The following MYLK variants were observed in gnomAD, a reference collection of about 807,000 sequenced individuals.
MYLK encodes the protein myosin light chain kinase, also known as myosin light chain kinase, smooth muscle.
Under a neutral mutation model 203.4 loss-of-function variants are expected in MYLK, and 106 were observed. The ratio of observed to expected loss-of-function variants is 0.52; its 90% CI spans 0.45 to 0.61. The LOEUF (loss-of-function observed/expected upper bound fraction) is 0.61, where lower values mean the gene tolerates loss of function less well. Ranked by LOEUF, MYLK falls within the 20% of genes least tolerant of loss-of-function variation. The probability of loss-of-function intolerance (pLI) is 0.00; values close to 1 mark genes in which losing one functional copy is unlikely to be tolerated. For synonymous variants in MYLK, 867 were observed against 959.5 expected (o/e 0.90, Z 1.78); for missense variants, 2,072 against 2,442.3 (o/e 0.85, Z 3.20).
In MYLK at chr3:123,642,123, T is replaced by G. The variant is rs946522992; in HGVS notation, c.4620-1619A>C. Among the ~76,000 whole-genome samples, 26 of 152,036 alleles carry G rather than the reference T, an allele frequency of 1.7e-4. No homozygotes were observed. Among genetic ancestry groups the G allele is most frequent in the Non-Finnish European group, 1.2e-4 (8 of 67,988 alleles). On this transcript the variant is annotated intron_variant, in intron 27 of 33. Coordinates refer to ENST00000360304, the MANE Select transcript of MYLK (RefSeq NM_053025.4). This position sits in a 1 kb window ranked among gnomAD's most constrained non-coding sequence, Gnocchi z 4.2. ...GGTCCACCAGTTGAACAAGGCCGGG[T>G]GGGTTCTGGGCCTGTCCTCTTGCAA...
At chr3:123,830,620 C>G (rs2066291800) in intron 3 of MYLK, among the ~76,000 whole-genome samples, 1 of 152,108 alleles carries the variant, frequency 6.6e-6, no homozygotes, top group Admixed American at 6.5e-5. Context: ...CACCACCCAC[C>G]AACCTTCTCA....
intron 1 of MYLK, 72 bp from the exon 2 acceptor site, chr3:123,876,689 C>T (rs1457213102): frequency 6.6e-6 from 1 of 152,142 alleles, no homozygotes; most frequent in Admixed American, 6.5e-5. Context: ...ACATCACAAA[C>T]ATCTGGAAAG....
chr3:123,851,483 G>A (rs1350306798), intron 2 of MYLK, among the ~76,000 whole-genome samples: 4 of 152,098 alleles, frequency 2.6e-5, no homozygotes. Context: ...TGGATTCCTA[G>A]GTATTTTATT....
intron 13 of MYLK, among the ~76,000 whole-genome samples, chr3:123,713,604 T>A (rs1010550013): frequency 2.0e-5 from 3 of 150,612 alleles, no homozygotes; most frequent in Non-Finnish European, 4.4e-5. Context: ...TGTGTGTGTG[T>A]GTGTGTGTGT....
rs762670780 is a variant in MYLK at position 123,657,364 on chromosome 3, C to T, written c.4050G>A (p.Leu1350=). 1.2e-6 allele frequency: 2 copies of T among 1,614,112 alleles called. No individual in the cohort carries two copies. The highest frequency in any genetic ancestry group is 2.2e-5 in the South Asian group (2 of 91,076). Residue 1350 remains leucine (L), a synonymous_variant, in exon 24 of 34, where the codon CTG becomes CTA. Coordinates refer to ENST00000360304, the MANE Select transcript of MYLK (RefSeq NM_053025.4). The stretch of plus-strand genomic sequence containing the variant: ...CATCATATGAGGAGCCATACCAGGA[C>T]AGGGTCAGTGAGGAGCTCCGAATGT... ...ASDIRSSSLT[L]SWYGSSYDGG...
Position 123,753,660 on chromosome 3 carries a change from A to C in MYLK, c.166-1122T>G, listed in dbSNP as rs374085125. Among the ~76,000 whole-genome samples, 10 of 152,276 alleles carry C rather than the reference A, an allele frequency of 6.6e-5. No individual in the cohort carries two copies. The East Asian group carries it at 1.2e-3, about 18-fold the overall frequency. On this transcript the variant is annotated intron_variant, in intron 4 of 33. Transcript: ENST00000360304. ...AGTTTTAAAGAAAGGAAGTCCCCCA[A>C]GGGCCTTCAAACACTTGAAACTCAG...
chr3:123,620,051 T>A (rs1227432741), intron 32 of MYLK, among the ~76,000 whole-genome samples, 156 bp downstream of exon 32: 1 of 151,816 alleles, frequency 6.6e-6, no homozygotes, highest in African/African-American at 2.4e-5. Flanking sequence ...TTAGACTTAG[T>A]AATTGTCAGG....
At position 123,740,015 on chromosome 3, in the gene MYLK, A is replaced by G. The variant is rs186432125; in HGVS notation, c.374-14T>C. The G allele has an allele frequency of 9.3e-6, 15 of 1,613,756 alleles. No homozygotes were observed. Among genetic ancestry groups the G allele is most frequent in the Admixed American group, 1.7e-5 (1 of 60,028 alleles). On this transcript the variant is annotated splice_polypyrimidine_tract_variant and intron_variant, in intron 5 of 33. Coordinates refer to ENST00000360304, the MANE Select transcript of MYLK (RefSeq NM_053025.4). Reference sequence around the variant, plus strand: ...TCGCAAAACTTCCTGCAAGAAAAAGAGTTGATGAGTCAGGTCTGAGCCACC... The same window carrying G: ...TCGCAAAACTTCCTGCAAGAAAAAGGGTTGATGAGTCAGGTCTGAGCCACC...
At position 123,706,692 on chromosome 3, in the gene MYLK, T is replaced by C. The variant is rs150015951; in HGVS notation, c.2390+1062A>G. On this transcript the variant is annotated intron_variant, in intron 16 of 33. Coordinates refer to ENST00000360304, the MANE Select transcript of MYLK (RefSeq NM_053025.4). ...ATTCATCTAATAAATAGCTACCCAA[T>C]GTCGACTATGGGCTCTCCACTGTTC... Among the ~76,000 whole-genome samples the C allele has an allele frequency of 7.6e-4, 115 of 152,224 alleles. 2 individuals carry two copies. The East Asian group carries it at 0.017, about 23-fold the overall frequency.
chr3:123,681,345 A>G (rs1318521799), intron 20 of MYLK: 1 of 152,198 alleles, frequency 6.6e-6, no homozygotes, highest in Non-Finnish European at 1.5e-5. Flanking sequence ...TTTGACTCTA[A>G]GAGAAACTGG....
intron 2 of MYLK, among the ~76,000 whole-genome samples, chr3:123,868,860 C>T (rs2682222): frequency 0.028 from 4,199 of 152,210 alleles, 194 homozygotes; most frequent in African/African-American, 0.094. Flanking sequence ...TTACATGCCA[C>T]GTTGAATAGC....
intron 31 of MYLK, among the ~76,000 whole-genome samples, chr3:123,625,904 GATA>G (rs1372216177): frequency 6.6e-6 from 1 of 152,110 alleles, no homozygotes; most frequent in Non-Finnish European, 1.5e-5. Flanking sequence ...TGTGGTTTTG[GATA>G]ATAATTTTAT....
chr3:123,688,845 C>A (rs1446334396), intron 19 of MYLK, among the ~76,000 whole-genome samples: 1 of 152,134 alleles, frequency 6.6e-6, no homozygotes, highest in Non-Finnish European at 1.5e-5. Context: ...TCAGTGACCA[C>A]CCCCTCCAAA....
At chr3:123,818,429 C>T (rs1349009728) in intron 3 of MYLK, among the ~76,000 whole-genome samples, 3 of 152,162 alleles carry the variant, frequency 2.0e-5, no homozygotes, top group Admixed American at 6.5e-5. Flanking sequence ...CCACAGGGAA[C>T]CTGTAATCCC....
intron 4 of MYLK, among the ~76,000 whole-genome samples, chr3:123,754,536 C>T (rs2063304026): frequency 2.6e-5 from 4 of 152,290 alleles, no homozygotes; most frequent in Admixed American, 2.0e-4. Flanking sequence ...ATGCCTGAAG[C>T]CATTGTAGCC....
chr3:123,869,499 A>G (rs184283054), intron 2 of MYLK, among the ~76,000 whole-genome samples: 213 of 152,212 alleles, frequency 1.4e-3, no homozygotes, highest in African/African-American at 4.8e-3. Flanking sequence ...CTTGCTCCAG[A>G]GCAGAATCAG....
At chr3:123,643,433 G>A (rs142790002) in intron 27 of MYLK, among the ~76,000 whole-genome samples, 1 of 152,298 alleles carries the variant, frequency 6.6e-6, no homozygotes, top group Admixed American at 6.5e-5. Context: ...ATTTCTGGAG[G>A]AAACCTATTC....
intron 3 of MYLK, among the ~76,000 whole-genome samples, chr3:123,811,037 G>T (rs2065541382): frequency 1.3e-5 from 2 of 152,176 alleles, no homozygotes; most frequent in Admixed American, 6.6e-5. Flanking sequence ...CTAGAATGGG[G>T]CTAACTGGAA....
chr3:123,796,136 G>C (rs1947511), intron 3 of MYLK, among the ~76,000 whole-genome samples: 115,391 of 152,128 alleles, frequency 0.76, 47,951 homozygotes, highest in East Asian at 0.93. Context: ...GCAAACACTT[G>C]TGTAGCACTT....
Sources: gnomAD v4.1 joint callset for allele counts (sites outside exome capture counted in the v4.1 genomes callset) on GRCh38, gnomAD v4.1.1 for gene constraint, Gnocchi (gnomAD v3.1) non-coding constraint, MANE v1.5 for transcripts, NCBI Gene and HGNC (gene_info 2026-07-23, HGNC 2026-07-21) for gene names.